The following SYN3 variants were observed in gnomAD, a reference collection of about 807,000 sequenced individuals.
SYN3 encodes synapsin III.
Under a neutral mutation model 65.8 loss-of-function variants are expected in SYN3, and 35 were observed. The observed-to-expected ratio is 0.53, with a 90% CI of 0.41 to 0.70. The LOEUF is 0.70. Among genes scored for constraint, SYN3 ranks in the 30% least tolerant of loss-of-function variants. The pLI is 0.00. For missense variants in SYN3, 680 were observed against 749.0 expected, an observed-to-expected ratio of 0.91 and a Z score of 1.08; for synonymous variants, 270 against 292.9, an observed-to-expected ratio of 0.92 and a Z score of 0.80.
At position 32,941,381 on chromosome 22, in the gene SYN3, T is replaced by A. The variant is rs1457352461; in HGVS notation, c.370-9900A>T. Among the ~76,000 whole-genome samples, 3 of 152,236 alleles carry A rather than the reference T, an allele frequency of 2.0e-5. No homozygotes were observed. In the South Asian group the frequency reaches 6.2e-4, roughly 31 times the overall value. On this transcript the variant is annotated intron_variant, in intron 3 of 13. Transcript: ENST00000358763. Reference sequence around the variant, plus strand: ...CATTTTAACTTCTTTTCCACCTTGTTGAAAGCTTGAGCCCACTCTCTCATT... The same window carrying A: ...CATTTTAACTTCTTTTCCACCTTGTAGAAAGCTTGAGCCCACTCTCTCATT...
At chr22:32,756,488 G>A (rs182409131) in intron 6 of SYN3, among the ~76,000 whole-genome samples, 25 of 152,308 alleles carry the variant, frequency 1.6e-4, no homozygotes, top group Middle Eastern at 3.4e-3. Flanking sequence ...GAATTGCCAT[G>A]CATTTTACAA....
At chr22:33,028,658 G>A (rs964263507) in intron 1 of SYN3, among the ~76,000 whole-genome samples, 3 of 106,636 alleles carry the variant, frequency 2.8e-5, no homozygotes, top group Admixed American at 1.9e-4. Flanking sequence ...GGTGGTGGTG[G>A]TGGTGGTGGT....
At chr22:32,935,285 T>TTCTCTCTCTC (rs34290935) in intron 3 of SYN3, among the ~76,000 whole-genome samples, 1 of 144,704 alleles carries the variant, frequency 6.9e-6, no homozygotes, top group African/African-American at 2.6e-5. Flanking sequence ...CTCTCTCTCT[T>TTCTCTCTCTC]TCTCTCTCTC....
intron 6 of SYN3, among the ~76,000 whole-genome samples, chr22:32,665,307 C>A (rs10854623): frequency 0.3 from 46,340 of 151,990 alleles, 9,706 homozygotes; most frequent in East Asian, 0.7. Context: ...CCATTGTATC[C>A]TCCTTATTAT....
intron 1 of SYN3, among the ~76,000 whole-genome samples, chr22:33,018,726 T>A (rs2053513083): frequency 6.6e-6 from 1 of 152,140 alleles, no homozygotes. Flanking sequence ...AGTGGACATG[T>A]CTGCTTGGGT....
At chr22:32,913,146 A>G (rs926066066) in intron 4 of SYN3, among the ~76,000 whole-genome samples, 1 of 152,028 alleles carries the variant, frequency 6.6e-6, no homozygotes, top group Non-Finnish European at 1.5e-5. Flanking sequence ...AACTGCTCTA[A>G]GATGTAAACT....
chr22:32,639,654 A>AC (rs35766282), intron 6 of SYN3, among the ~76,000 whole-genome samples: 99,996 of 151,994 alleles, frequency 0.66, 34,511 homozygotes, highest in African/African-American at 0.85. Context: ...CTCAAGTGAT[A>AC]TACCATCTCA....
At position 32,508,120 on chromosome 22, in the gene SYN3, G is replaced by A. The variant is rs182549067; in HGVS notation, c.*5572C>T. Among the ~76,000 whole-genome samples, 397 of 152,218 alleles carry A rather than the reference G, an allele frequency of 2.6e-3. 2 individuals carry two copies. Among genetic ancestry groups the A allele is most frequent in the African/African-American group, 7.5e-3 (311 of 41,532 alleles). ...AGCCATCGCATCCCCTGTGACTTGC[G>A]CGTATACGCCCAGATGGCCTGAAGT... On this transcript the variant is annotated 3_prime_UTR_variant, in exon 14 of 14. Transcript: ENST00000358763.
intron 6 of SYN3, among the ~76,000 whole-genome samples, chr22:32,627,189 G>A (rs976263099): frequency 9.9e-5 from 15 of 151,948 alleles, no homozygotes; most frequent in African/African-American, 3.4e-4. Flanking sequence ...GCAGGGCTGG[G>A]CATCCGAGCT....
intron 4 of SYN3, among the ~76,000 whole-genome samples, chr22:32,919,198 C>A (rs143511684): frequency 2.0e-5 from 3 of 152,198 alleles, no homozygotes; most frequent in Non-Finnish European, 2.9e-5. Context: ...CTCCACCCTC[C>A]ATACACACGG....
intron 6 of SYN3, among the ~76,000 whole-genome samples, chr22:32,856,274 A>C (rs1237869733): frequency 7.2e-6 from 1 of 139,312 alleles, no homozygotes; most frequent in Non-Finnish European, 1.6e-5. Flanking sequence ...CTGGGATGTC[A>C]GACATGTGTA....
At chr22:33,033,766 C>CT (rs951911262) in intron 1 of SYN3, among the ~76,000 whole-genome samples, 12 of 152,158 alleles carry the variant, frequency 7.9e-5, no homozygotes, top group African/African-American at 2.9e-4. Context: ...CTCTGCAACT[C>CT]TGATTAGCCA....
intron 7 of SYN3, among the ~76,000 whole-genome samples, chr22:32,557,244 A>G (rs2058516357): frequency 6.6e-6 from 1 of 152,108 alleles, no homozygotes; most frequent in Admixed American, 6.6e-5. Context: ...ATGAACAGAT[A>G]ATTCTATAGA....
chr22:32,548,665 C>T (rs1161995185), intron 7 of SYN3, among the ~76,000 whole-genome samples: 4 of 152,180 alleles, frequency 2.6e-5, no homozygotes, highest in African/African-American at 9.7e-5. Context: ...AGCCACCGTG[C>T]CTGGCCTAAA....
At chr22:33,022,823 A>T (rs1393117145) in intron 1 of SYN3, among the ~76,000 whole-genome samples, 1 of 152,152 alleles carries the variant, frequency 6.6e-6, no homozygotes, top group Non-Finnish European at 1.5e-5. Context: ...GTCCCAAAAA[A>T]TTTTCATGTA....
At chr22:32,955,141 G>A (rs1424105034) in intron 3 of SYN3, among the ~76,000 whole-genome samples, 1 of 151,968 alleles carries the variant, frequency 6.6e-6, no homozygotes, top group Non-Finnish European at 1.5e-5. Flanking sequence ...GAACAGCCCT[G>A]CACCCCCAGG....
intron 3 of SYN3, among the ~76,000 whole-genome samples, chr22:32,976,277 T>G (rs924710508): frequency 6.6e-6 from 1 of 152,142 alleles, no homozygotes; most frequent in African/African-American, 2.4e-5. Flanking sequence ...TTCATTGGAT[T>G]GGGAGTTGCT....
At chr22:32,905,822 G>C (rs1302681572) in intron 4 of SYN3, among the ~76,000 whole-genome samples, 1 of 152,204 alleles carries the variant, frequency 6.6e-6, no homozygotes, top group Non-Finnish European at 1.5e-5. Context: ...TTGAAGAAGA[G>C]ATACTGGCAC....
At chr22:32,535,339 G>C (rs1163006568) in intron 9 of SYN3, among the ~76,000 whole-genome samples, 1 of 152,172 alleles carries the variant, frequency 6.6e-6, no homozygotes, top group Admixed American at 6.5e-5. Flanking sequence ...TCTGATTCTG[G>C]TTGTACATCA....
Sources: gnomAD v4.1 joint callset for allele counts (sites outside exome capture counted in the v4.1 genomes callset) on GRCh38, gnomAD v4.1.1 for gene constraint, MANE v1.5 for transcripts, NCBI Gene and HGNC (gene_info 2026-07-23, HGNC 2026-07-21) for gene names.